The following LRFN5 variants were observed in gnomAD, a reference collection of about 807,000 sequenced individuals.
LRFN5 encodes leucine rich repeat and fibronectin type III domain containing 5.
LRFN5 carries 24 observed loss-of-function variants against 45.6 expected under a neutral mutation model. That is an observed-to-expected ratio of 0.53 (90% CI 0.38 to 0.74). The LOEUF is 0.74. Ranked by LOEUF, LRFN5 falls within the 30% of genes least tolerant of loss-of-function variation. The probability of loss-of-function intolerance (pLI) is 0.00; values close to 1 mark genes in which losing one functional copy is unlikely to be tolerated. For synonymous variants in LRFN5, 340 were observed against 313.8 expected (o/e 1.08, Z -0.88); for missense variants, 776 against 861.5 (o/e 0.90, Z 1.24).
intron 2 of LRFN5, among the ~76,000 whole-genome samples, chr14:41,826,860 AT>A (rs1458895784): frequency 1.3e-5 from 2 of 151,568 alleles, no homozygotes; most frequent in Admixed American, 1.3e-4. Context: ...ATAAGTAATT[AT>A]TTTGATTCAC....
chr14:41,735,163 A>G (rs533708031), intron 1 of LRFN5, among the ~76,000 whole-genome samples: 3 of 152,174 alleles, frequency 2.0e-5, no homozygotes, highest in Admixed American at 6.5e-5. Flanking sequence ...CTACATTGCA[A>G]TGTTTTCCTT....
intron 1 of LRFN5, among the ~76,000 whole-genome samples, chr14:41,628,968 C>T (rs903072889): frequency 3.3e-5 from 5 of 152,146 alleles, no homozygotes; most frequent in African/African-American, 1.2e-4. Flanking sequence ...CACAACTTCC[C>T]ATTTAGTGTG....
At chr14:41,894,589 G>A (rs1241712488) in intron 4 of LRFN5, 2 of 975,058 alleles carry the variant, frequency 2.1e-6, no homozygotes, top group African/African-American at 3.5e-5. Flanking sequence ...TTTTGTATTT[G>A]TTTATAAACA....
chr14:41,880,384 A>C (rs1216768143), intron 2 of LRFN5, among the ~76,000 whole-genome samples: 1 of 152,042 alleles, frequency 6.6e-6, no homozygotes, highest in Non-Finnish European at 1.5e-5. Flanking sequence ...TCAAGCTTAG[A>C]TAACTGATTT....
At chr14:41,816,877 T>G (rs1463977837) in intron 2 of LRFN5, among the ~76,000 whole-genome samples, 1 of 152,038 alleles carries the variant, frequency 6.6e-6, no homozygotes, top group Non-Finnish European at 1.5e-5. Flanking sequence ...TTTCTCTTTT[T>G]TATTCTTTTT....
At chr14:41,643,641 A>C (rs1321119444) in intron 1 of LRFN5, among the ~76,000 whole-genome samples, 1 of 152,006 alleles carries the variant, frequency 6.6e-6, no homozygotes, top group Non-Finnish European at 1.5e-5. Flanking sequence ...TCATCTATAA[A>C]CTATTTTTCC....
intron 1 of LRFN5, among the ~76,000 whole-genome samples, chr14:41,739,390 T>TCAC (rs1884591488): frequency 6.8e-6 from 1 of 147,406 alleles, no homozygotes; most frequent in Admixed American, 6.7e-5. Flanking sequence ...GTGTCAATCA[T>TCAC]CATCATCATC....
chr14:41,830,321 A>G (rs1025644061), intron 2 of LRFN5, among the ~76,000 whole-genome samples: 6 of 152,048 alleles, frequency 3.9e-5, no homozygotes, highest in African/African-American at 1.4e-4. Context: ...TAATACTCAT[A>G]TATTTTGAAT....
At chr14:41,646,316 G>T (rs577286909) in intron 1 of LRFN5, among the ~76,000 whole-genome samples, 100 of 152,130 alleles carry the variant, frequency 6.6e-4, no homozygotes, top group Admixed American at 7.2e-4. Context: ...TGTTTTAATT[G>T]ATATTTTTAA....
intron 1 of LRFN5, among the ~76,000 whole-genome samples, chr14:41,705,354 G>A (rs1220443837): frequency 6.6e-6 from 1 of 152,076 alleles, no homozygotes; most frequent in Non-Finnish European, 1.5e-5. Flanking sequence ...AATTCTTGAG[G>A]TGACTAAGGT....
chr14:41,865,267 A>G (rs973382631), intron 2 of LRFN5, among the ~76,000 whole-genome samples: 2 of 152,078 alleles, frequency 1.3e-5, no homozygotes, highest in Non-Finnish European at 2.9e-5. Flanking sequence ...CCACCACTCT[A>G]CTTTCCATCT....
intron 1 of LRFN5, among the ~76,000 whole-genome samples, chr14:41,722,747 G>A (rs1883778686): frequency 6.6e-6 from 1 of 152,158 alleles, no homozygotes; most frequent in Admixed American, 6.5e-5. Flanking sequence ...GTAAGTGCCA[G>A]ATGTGGCCAG....
intron 1 of LRFN5, among the ~76,000 whole-genome samples, chr14:41,674,890 ACGGCCGGG>A (rs1881527124): frequency 1.5e-5 from 2 of 130,248 alleles, no homozygotes; most frequent in African/African-American, 5.9e-5. Context: ...CTCAGACGGA[ACGGCCGGG>A]CAGAGACGCT....
At chr14:41,859,934 C>G (rs1183093657) in intron 2 of LRFN5, among the ~76,000 whole-genome samples, 1 of 152,134 alleles carries the variant, frequency 6.6e-6, no homozygotes, top group African/African-American at 2.4e-5. Context: ...TCTTTCTACA[C>G]TGGGTTTTGG....
intron 1 of LRFN5, among the ~76,000 whole-genome samples, chr14:41,727,561 G>A (rs1485912493): frequency 9.2e-5 from 14 of 152,104 alleles, no homozygotes; most frequent in African/African-American, 3.1e-4. Flanking sequence ...AAGAGTTTGA[G>A]GCTGTAGTCA....
rs538149072 is a variant in LRFN5, at chr14:41,875,979, A to G, written c.-20-10627A>G. ...ATGAGGAAATTCCCTGTAAGCTCCT[A>G]AATCTTTCAGGATACATATATAACC... On this transcript the variant is annotated intron_variant, in intron 2 of 5. Transcript: ENST00000298119. Among the ~76,000 whole-genome samples, 572 of 152,294 alleles carry G rather than the reference A, an allele frequency of 3.8e-3. 4 individuals are homozygous for G. The highest frequency in any genetic ancestry group is 5.0e-3 in the Non-Finnish European group (343 of 68,028).
rs988442593 is a variant in LRFN5, at chr14:41,714,412, G to T, written c.-196-52442G>T. On this transcript the variant is annotated intron_variant, in intron 1 of 5. Transcript: ENST00000298119. ...TACTTGACATATAATTATCATACAAGAATTGTTACTGAACTATATAATAGT... is the reference window on the plus strand; with the variant it reads ...TACTTGACATATAATTATCATACAATAATTGTTACTGAACTATATAATAGT... Among the ~76,000 whole-genome samples, 6 of 152,064 alleles carry T rather than the reference G, an allele frequency of 3.9e-5. No individual in the cohort carries two copies. In the East Asian group the frequency reaches 7.7e-4, roughly 20 times the overall value.
chr14:41,630,003 G>T (rs1169353584), intron 1 of LRFN5, among the ~76,000 whole-genome samples: 9 of 152,042 alleles, frequency 5.9e-5, no homozygotes. Context: ...TTGAGTATGG[G>T]ATATATTTAG....
intron 2 of LRFN5, among the ~76,000 whole-genome samples, chr14:41,785,825 T>A (rs1325381771): frequency 1.3e-5 from 2 of 152,138 alleles, no homozygotes; most frequent in East Asian, 3.9e-4. Flanking sequence ...ATCCCTCATA[T>A]ACACAGTTCA....
Sources: gnomAD v4.1 joint callset for allele counts (sites outside exome capture counted in the v4.1 genomes callset) on GRCh38, gnomAD v4.1.1 for gene constraint, MANE v1.5 for transcripts, NCBI Gene and HGNC (gene_info 2026-07-23, HGNC 2026-07-21) for gene names.